Variants in HECW1 observed in about 807,000 individuals in gnomAD.
HECW1 encodes E3 ubiquitin-protein ligase HECW1.
A neutral mutation model predicts 182.3 loss-of-function variants in HECW1; 61 were observed. The observed-to-expected ratio is 0.33, with a 90% confidence interval of 0.27 to 0.41. HECW1 has a LOEUF of 0.41. Ranked by LOEUF, HECW1 falls within the 10% of genes least tolerant of loss-of-function variation. The pLI is 1.00. For synonymous variants in HECW1, 859 were observed against 832.6 expected, an observed-to-expected ratio of 1.03 and a Z score of -0.55; for missense variants, 1,739 against 2,108.9, an observed-to-expected ratio of 0.82 and a Z score of 3.44.
rs1262525338 is a variant in HECW1 at position 43,382,696 on chromosome 7, G to T, written c.556-14118G>T. On this transcript the variant is annotated intron_variant, in intron 6 of 29. Coordinates refer to ENST00000395891, the MANE Select transcript of HECW1 (RefSeq NM_015052.5). ...CCCACCAGATGGAAGGATAGATGTG[G>T]GGGGAGGGGTTGGATAAATGAGTGA... Among the ~76,000 whole-genome samples the T allele has an allele frequency of 2.6e-5, 4 of 152,284 alleles. No homozygotes were observed. The East Asian group carries it at 7.7e-4, about 29-fold the overall frequency.
chr7:43,173,925 C>T (rs1036711862), intron 2 of HECW1, among the ~76,000 whole-genome samples: 5 of 151,846 alleles, frequency 3.3e-5, no homozygotes, highest in East Asian at 1.9e-4. Flanking sequence ...CTGCAGACTA[C>T]GACTCCTGGC....
intron 5 of HECW1, among the ~76,000 whole-genome samples, chr7:43,349,268 A>G (rs1050078843): frequency 6.6e-6 from 1 of 152,112 alleles, no homozygotes; most frequent in Admixed American, 6.5e-5. Flanking sequence ...TCCTGACCTC[A>G]AGTCATCTGC....
rs189146912 is a variant in HECW1 at position 43,211,146 on chromosome 7, G to A, written c.-31-32729G>A. Among the ~76,000 whole-genome samples the A allele has an allele frequency of 4.7e-4, 71 of 152,306 alleles. 2 individuals carry two copies. Among genetic ancestry groups the A allele is most frequent in the South Asian group, 2.1e-4 (1 of 4,828 alleles). ...TAGTCGGGTGTGAGCTAAGTTGCAA[G>A]CCCTGTGTTTAGAGGTGGATGCGGT... On this transcript the variant is annotated intron_variant, in intron 2 of 29. Transcript: ENST00000395891.
rs189078300 is a variant in HECW1 at position 43,359,794 on chromosome 7, T to C, written c.461-1092T>C. Among the ~76,000 whole-genome samples, 414 of 152,326 alleles carry C rather than the reference T, an allele frequency of 2.7e-3. 1 individual carries two copies. Among genetic ancestry groups the C allele is most frequent in the African/African-American group, 9.6e-3 (401 of 41,574 alleles). On this transcript the variant is annotated intron_variant, in intron 5 of 29. Transcript: ENST00000395891. The stretch of plus-strand genomic sequence containing the variant: ...CATATTTGAGAAAAAATATCTCAAA[T>C]TGGAGATTTCTCATATTGTTTCAAA...
intron 3 of HECW1, 67 bp from the exon 4 acceptor site, chr7:43,311,696 C>A (rs769847584): frequency 6.9e-7 from 1 of 1,450,320 alleles, no homozygotes; most frequent in Non-Finnish European, 9.7e-7. Flanking sequence ...CTTTCGTTTT[C>A]GTGTGATGAC....
chr7:43,167,583 A>G (rs1324572006), intron 2 of HECW1, among the ~76,000 whole-genome samples: 1 of 152,232 alleles, frequency 6.6e-6, no homozygotes, highest in Admixed American at 6.5e-5. Flanking sequence ...AAGAGAATGC[A>G]TAGGTGGCAT....
At chr7:43,369,204 A>G (rs1817007237) in intron 6 of HECW1, among the ~76,000 whole-genome samples, 1 of 152,194 alleles carries the variant, frequency 6.6e-6, no homozygotes, top group Non-Finnish European at 1.5e-5. Context: ...CATGCTTGTA[A>G]TCCTAGCACT....
At chr7:43,427,921 G>A (rs773779292) in intron 8 of HECW1, among the ~76,000 whole-genome samples, 3 of 152,086 alleles carry the variant, frequency 2.0e-5, no homozygotes, top group Non-Finnish European at 2.9e-5. Context: ...GTTTTTAAGG[G>A]CTGATCTAAT....
At chr7:43,460,514 G>A (rs1349076679) in intron 13 of HECW1, among the ~76,000 whole-genome samples, 2 of 152,024 alleles carry the variant, frequency 1.3e-5, no homozygotes, top group African/African-American at 4.8e-5. Flanking sequence ...CTTCTTGTTT[G>A]GCTTTGTACG....
intron 12 of HECW1, among the ~76,000 whole-genome samples, chr7:43,452,896 G>A (rs2077280282): frequency 6.6e-6 from 1 of 152,206 alleles, no homozygotes; most frequent in African/African-American, 2.4e-5. Flanking sequence ...AATGGCCACT[G>A]CCAGTCGGGA....
chr7:43,195,894 A>G lies in HECW1; in HGVS notation c.-31-47981A>G, dbSNP rs553603257. Among the ~76,000 whole-genome samples the G allele has an allele frequency of 7.9e-5, 12 of 152,264 alleles. No homozygotes were observed. The East Asian group carries it at 1.9e-3, about 25-fold the overall frequency. On this transcript the variant is annotated intron_variant, in intron 2 of 29. Coordinates refer to ENST00000395891, the MANE Select transcript of HECW1 (RefSeq NM_015052.5). Reference sequence around the variant, plus strand: ...GGTGCCACCCATTTTTACACCAAATATAGGTATTCCCAGAACTGTCACGGG... The same window carrying G: ...GGTGCCACCCATTTTTACACCAAATGTAGGTATTCCCAGAACTGTCACGGG...
intron 2 of HECW1, among the ~76,000 whole-genome samples, chr7:43,137,742 GT>G (rs770227909): frequency 1.3e-5 from 2 of 151,964 alleles, no homozygotes; most frequent in East Asian, 3.9e-4. Context: ...TAGAGATAGG[GT>G]TTCACCATGT....
intron 17 of HECW1, among the ~76,000 whole-genome samples, chr7:43,485,771 G>A (rs2078607661): frequency 6.6e-6 from 1 of 152,122 alleles, no homozygotes; most frequent in African/African-American, 2.4e-5. Context: ...AGTGGCTCTG[G>A]GTGAGTCAGT....
At chr7:43,524,268 A>G (rs1448341113) in intron 24 of HECW1, among the ~76,000 whole-genome samples, 1 of 152,166 alleles carries the variant, frequency 6.6e-6, no homozygotes, top group South Asian at 2.1e-4. Context: ...TGCAGTTTTC[A>G]CACTCTGAAA....
chr7:43,143,360 T>A (rs189069895), intron 2 of HECW1, among the ~76,000 whole-genome samples: 1 of 152,294 alleles, frequency 6.6e-6, no homozygotes, highest in East Asian at 1.9e-4. Flanking sequence ...CACAGCTAAC[T>A]GCAGCCTCAA....
chr7:43,411,936 C>T (rs60965036), intron 8 of HECW1, among the ~76,000 whole-genome samples: 4,103 of 152,158 alleles, frequency 0.027, 198 homozygotes, highest in African/African-American at 0.089. Context: ...GGCCCATTAC[C>T]ATTTAACATA....
At chr7:43,557,385 G>A (rs746717887) in intron 29 of HECW1, among the ~76,000 whole-genome samples, 2 of 152,228 alleles carry the variant, frequency 1.3e-5, no homozygotes, top group Non-Finnish European at 2.9e-5. Context: ...CCCGGTCATA[G>A]CCCAGGCTAC....
intron 2 of HECW1, among the ~76,000 whole-genome samples, chr7:43,143,814 T>G (rs1163920636): frequency 4.6e-5 from 7 of 152,242 alleles, no homozygotes; most frequent in African/African-American, 1.4e-4. Context: ...CCACTTGGGG[T>G]GGGCACAAGA....
At chr7:43,445,819 C>T (rs1383662304) in intron 11 of HECW1, among the ~76,000 whole-genome samples, 1 of 152,114 alleles carries the variant, frequency 6.6e-6, no homozygotes, top group African/African-American at 2.4e-5. Context: ...TGAGCGTGCA[C>T]TTGTATGTGT....
Sources: gnomAD v4.1 joint callset for allele counts (sites outside exome capture counted in the v4.1 genomes callset) on GRCh38, gnomAD v4.1.1 for gene constraint, MANE v1.5 for transcripts, NCBI Gene and HGNC (gene_info 2026-07-23, HGNC 2026-07-21) for gene names.